KCNG2: variants seen among roughly 807,000 people sequenced by gnomAD.
KCNG2 encodes the protein voltage-gated potassium channel regulatory subunit KCNG2.
A neutral mutation model predicts 12.3 loss-of-function variants in KCNG2; 7 were observed. The observed-to-expected ratio is 0.57, with a 90% CI of 0.32 to 1.07. KCNG2 has a LOEUF of 1.07. KCNG2 is among the 50% of genes least tolerant of loss of function. The pLI is 0.04. For missense variants in KCNG2, 703 were observed against 726.0 expected (o/e 0.97, Z 0.36); for synonymous variants, 414 against 351.4 (o/e 1.18, Z -1.99).
chr18:79,888,952 T>G (rs886952152), intron 3 of KCNG2, among the ~76,000 whole-genome samples: 1 of 152,170 alleles, frequency 6.6e-6, no homozygotes, highest in African/African-American at 2.4e-5. Flanking sequence ...GTACTGGGAT[T>G]ACAAGCATGA....
chr18:79,859,339 T>C (rs1019509847), intron 2 of KCNG2, among the ~76,000 whole-genome samples: 4 of 152,244 alleles, frequency 2.6e-5, no homozygotes, highest in African/African-American at 9.6e-5. Context: ...TGTGATGTCA[T>C]CATGATTCTG....
intron 1 of KCNG2, among the ~76,000 whole-genome samples, chr18:79,834,604 G>C (rs1460363183): frequency 6.6e-6 from 1 of 152,246 alleles, no homozygotes; most frequent in Non-Finnish European, 1.5e-5. Context: ...CAAACAGCTG[G>C]TGGGGATGTG....
chr18:79,832,340 T>TACCTGCCCTTCCTC, intron 1 of KCNG2, among the ~76,000 whole-genome samples: 1 of 144,396 alleles, frequency 6.9e-6, no homozygotes, highest in Non-Finnish European at 1.5e-5. Flanking sequence ...TGCCCATCCT[T>TACCTGCCCTTCCTC]ACCTGCCCTT....
chr18:79,818,247 C>T (rs916179013), intron 1 of KCNG2, among the ~76,000 whole-genome samples: 1 of 152,240 alleles, frequency 6.6e-6, no homozygotes, highest in Non-Finnish European at 1.5e-5. Context: ...CCACCCTCCT[C>T]CCAGAAGGAG....
At chr18:79,892,508 A>G (rs1261016793) in intron 3 of KCNG2, among the ~76,000 whole-genome samples, 1 of 152,082 alleles carries the variant, frequency 6.6e-6, no homozygotes, top group Non-Finnish European at 1.5e-5. Flanking sequence ...TGGGTTGTTC[A>G]CTCCATTCAC....
intron 1 of KCNG2, among the ~76,000 whole-genome samples, chr18:79,814,015 C>T (rs2087510812): frequency 2.0e-5 from 3 of 152,158 alleles, no homozygotes; most frequent in Non-Finnish European, 4.4e-5. Flanking sequence ...CACCTAGCAC[C>T]GTCAGCCTTT....
chr18:79,893,593 A>G (rs1379999709), intron 3 of KCNG2, among the ~76,000 whole-genome samples: 3 of 151,296 alleles, frequency 2.0e-5, no homozygotes, highest in African/African-American at 7.3e-5. Flanking sequence ...CTGCATTCAC[A>G]TGTAATTGAT....
At chr18:79,807,503 G>C (rs186449519) in intron 1 of KCNG2, among the ~76,000 whole-genome samples, 1 of 152,284 alleles carries the variant, frequency 6.6e-6, no homozygotes, top group Admixed American at 6.5e-5. Context: ...TTTTTAGAAC[G>C]CCTCTGCGCT....
chr18:79,850,005 C>T (rs1978762996), intron 1 of KCNG2, among the ~76,000 whole-genome samples: 1 of 152,156 alleles, frequency 6.6e-6, no homozygotes. Context: ...ACCTAAAGGG[C>T]TGACAGGGCC....
intron 3 of KCNG2, among the ~76,000 whole-genome samples, chr18:79,881,996 C>G (rs1351286325): frequency 6.6e-6 from 1 of 150,986 alleles, no homozygotes; most frequent in African/African-American, 2.4e-5. Context: ...AACAACTGAA[C>G]TCCCATATTT....
intron 1 of KCNG2, among the ~76,000 whole-genome samples, chr18:79,832,193 C>A (rs563828626): frequency 6.6e-6 from 1 of 151,558 alleles, no homozygotes; most frequent in East Asian, 2.0e-4. Context: ...CCCTTTCTCA[C>A]CCCTCCTTCC....
chr18:79,883,253 C>T (rs955494413), intron 3 of KCNG2, among the ~76,000 whole-genome samples: 8 of 125,912 alleles, frequency 6.4e-5, no homozygotes, highest in African/African-American at 9.2e-5. Flanking sequence ...ACTGGGTGGG[C>T]GGGGTCCGGC....
At chr18:79,857,490 C>T (rs934611936) in intron 2 of KCNG2, among the ~76,000 whole-genome samples, 2 of 151,784 alleles carry the variant, frequency 1.3e-5, no homozygotes, top group Admixed American at 6.6e-5. Flanking sequence ...CTTTTTCCCC[C>T]TAAAATCTCT....
rs1238989641 is a variant in KCNG2, at chr18:79,899,687, C to T, written c.1272C>T (p.Ser424=). The T allele has an allele frequency of 1.2e-6, 2 of 1,607,732 alleles. No individual in the cohort carries two copies. The highest frequency in any genetic ancestry group is 1.7e-6 in the Non-Finnish European group (2 of 1,178,168). The change falls in exon 4 of 4, where the codon AGC becomes AGT. Residue 424 remains serine, a synonymous_variant. Transcript: ENST00000316249. ...ELKEQQQRAA[S]PEPALQEDST... Reference sequence around the variant, plus strand: ...AGGAGCAGCAGCAGCGCGCGGCCAGCCCCGAGCCGGCCCTGCAGGAGGACA... The same window carrying T: ...AGGAGCAGCAGCAGCGCGCGGCCAGTCCCGAGCCGGCCCTGCAGGAGGACA...
In KCNG2 at chr18:79,832,351, CCTCACCTGTCCATCCTCACCTGCA is replaced by C. The variant is rs1218742594; in HGVS notation, c.-114-24019_-114-23996del. ...CACCTGCCCATCCTTACCTGCCCTT[CCTCACCTGTCCATCCTCACCTGCA>C]CTCACCTGCCCATCCTCACCTGCTC... On this transcript the variant is annotated intron_variant, in intron 1 of 3. Transcript: ENST00000316249. 1.7e-4 allele frequency among the ~76,000 whole-genome samples: 25 copies of C among 149,478 alleles called. No homozygotes were observed. The East Asian group carries it at 4.9e-3, about 29-fold the overall frequency.
At chr18:79,839,294 T>C (rs1401403492) in intron 1 of KCNG2, among the ~76,000 whole-genome samples, 1 of 152,088 alleles carries the variant, frequency 6.6e-6, no homozygotes, top group Non-Finnish European at 1.5e-5. Context: ...ACCCTGACTC[T>C]AAATGCATAA....
At chr18:79,833,409 G>T (rs1323188016) in intron 1 of KCNG2, among the ~76,000 whole-genome samples, 1 of 152,196 alleles carries the variant, frequency 6.6e-6, no homozygotes, top group Non-Finnish European at 1.5e-5. Context: ...CCAACGTGCT[G>T]GGATTATGGG....
intron 1 of KCNG2, among the ~76,000 whole-genome samples, chr18:79,809,590 GACCACACTCCA>G (rs2087478179): frequency 6.7e-6 from 1 of 148,180 alleles, no homozygotes; most frequent in South Asian, 2.1e-4. Context: ...GGGCCTCACT[GACCACACTCCA>G]CGTTACGGTC....
chr18:79,875,314 T>C (rs531331616), intron 3 of KCNG2, among the ~76,000 whole-genome samples: 5 of 152,142 alleles, frequency 3.3e-5, no homozygotes, highest in African/African-American at 1.2e-4. Context: ...TGGGGGCTCC[T>C]CTCAGTCCAA....
Sources: allele counts gnomAD v4.1 joint callset (sites outside exome capture counted in the v4.1 genomes callset), GRCh38; gene constraint gnomAD v4.1.1; transcripts MANE v1.5; gene names NCBI Gene and HGNC (gene_info 2026-07-23, HGNC 2026-07-21).